GRIP1: variants seen among roughly 807,000 people sequenced by gnomAD.
GRIP1 encodes glutamate receptor interacting protein 1.
A neutral mutation model predicts 129.9 loss-of-function variants in GRIP1; 45 were observed. The ratio of observed to expected loss-of-function variants is 0.35; its 90% CI spans 0.27 to 0.44. The LOEUF (loss-of-function observed/expected upper bound fraction) is 0.44. GRIP1 is among the 20% of genes least tolerant of loss of function. GRIP1 has a pLI of 1.00. For missense variants in GRIP1, 1,196 were observed against 1,396.8 expected (o/e 0.86, Z 2.29); for synonymous variants, 530 against 520.8 (o/e 1.02, Z -0.24).
At chr12:66,889,225 C>T (rs958614490) in intron 1 of GRIP1, among the ~76,000 whole-genome samples, 3 of 152,118 alleles carry the variant, frequency 2.0e-5, no homozygotes, top group Non-Finnish European at 2.9e-5. Context: ...CTTGGGAGGC[C>T]GAGGCAGGTG....
chr12:66,848,029 A>G (rs1250975786), intron 1 of GRIP1, among the ~76,000 whole-genome samples: 6 of 152,196 alleles, frequency 3.9e-5, no homozygotes, highest in Non-Finnish European at 7.3e-5. Flanking sequence ...ACTAGGGGAT[A>G]GGACCAGTCA....
chr12:66,828,510 T>A (rs531249596), intron 1 of GRIP1, among the ~76,000 whole-genome samples: 4 of 152,324 alleles, frequency 2.6e-5, no homozygotes, highest in African/African-American at 9.6e-5. Flanking sequence ...ATAACTGTTA[T>A]CTCATTTTAG....
At chr12:66,665,377 T>C (rs1204908068) in intron 1 of GRIP1, among the ~76,000 whole-genome samples, 7 of 152,102 alleles carry the variant, frequency 4.6e-5, no homozygotes, top group Admixed American at 1.3e-4. Context: ...AACAACTAGG[T>C]GAGTTTTCAG....
chr12:66,769,114 T>C (rs768344534), intron 1 of GRIP1, among the ~76,000 whole-genome samples: 16 of 152,184 alleles, frequency 1.1e-4, no homozygotes, highest in Admixed American at 7.9e-4. Flanking sequence ...TAGGTTTGGA[T>C]TGGTGTTTCT....
At chr12:66,396,718 G>A (rs889346186) in intron 16 of GRIP1, among the ~76,000 whole-genome samples, 2 of 152,154 alleles carry the variant, frequency 1.3e-5, no homozygotes, top group Non-Finnish European at 2.9e-5. Context: ...ATTACATTGG[G>A]GTGGAAACAG....
chr12:66,765,914 A>T (rs1009540603), intron 1 of GRIP1, among the ~76,000 whole-genome samples: 1 of 152,186 alleles, frequency 6.6e-6, no homozygotes, highest in Admixed American at 6.5e-5. Flanking sequence ...ATGACTGCAG[A>T]CATAGGATGT....
intron 23 of GRIP1, among the ~76,000 whole-genome samples, chr12:66,355,999 T>C (rs900514214): frequency 9.2e-5 from 14 of 152,190 alleles, no homozygotes; most frequent in Non-Finnish European, 4.4e-5. Context: ...TCAGGAAGGC[T>C]GTCCCATGAC....
At chr12:66,384,390 T>A (rs754533067) in intron 19 of GRIP1, among the ~76,000 whole-genome samples, 2 of 152,234 alleles carry the variant, frequency 1.3e-5, no homozygotes, top group African/African-American at 4.8e-5. Context: ...AAATACCTAG[T>A]GTTATCAAGA....
chr12:66,967,645 G>A (rs2042016459), intron 1 of GRIP1, among the ~76,000 whole-genome samples: 1 of 152,136 alleles, frequency 6.6e-6, no homozygotes, highest in African/African-American at 2.4e-5. Context: ...CCAAGTAGCT[G>A]AGACTACAGG....
chr12:66,353,328 C>G (rs1408625765), intron 24 of GRIP1, 89 bp downstream of exon 24: 1 of 915,938 alleles, frequency 1.1e-6, no homozygotes, highest in African/African-American at 1.6e-5. Flanking sequence ...GGGAAAAGAG[C>G]AAAGGGCCCC....
chr12:67,003,729 A>AAAATAAATAAAT (rs1424005951), intron 1 of GRIP1, among the ~76,000 whole-genome samples: 27 of 151,890 alleles, frequency 1.8e-4, no homozygotes, highest in Non-Finnish European at 3.4e-4. Flanking sequence ...AATAAATAAA[A>AAAATAAATAAAT]AAATAAATAA....
chr12:66,580,990 T>C (rs1341142244), intron 2 of GRIP1, among the ~76,000 whole-genome samples: 2 of 152,256 alleles, frequency 1.3e-5, no homozygotes, highest in African/African-American at 4.8e-5. Flanking sequence ...TATTCCAAAA[T>C]TGACCACATA....
chr12:66,723,310 T>TTTC (rs1565988189), intron 1 of GRIP1, among the ~76,000 whole-genome samples: 873 of 41,562 alleles, frequency 0.021, 23 homozygotes, highest in Non-Finnish European at 0.024. Context: ...CTTTCTTTTT[T>TTTC]TTTTTTTTTT....
intron 1 of GRIP1, among the ~76,000 whole-genome samples, chr12:66,894,173 C>T (rs114069089): frequency 0.017 from 2,572 of 152,212 alleles, 24 homozygotes; most frequent in Middle Eastern, 0.054. Context: ...AGAAAGGACA[C>T]ATTTAAAAGT....
At chr12:66,727,005 C>T (rs1192635815) in intron 1 of GRIP1, among the ~76,000 whole-genome samples, 1 of 152,126 alleles carries the variant, frequency 6.6e-6, no homozygotes, top group African/African-American at 2.4e-5. Flanking sequence ...GTACAAAATA[C>T]AAAATCTCTC....
chr12:66,551,303 G>A (rs541316469), intron 2 of GRIP1, among the ~76,000 whole-genome samples: 6 of 152,290 alleles, frequency 3.9e-5, no homozygotes, highest in Admixed American at 2.6e-4. Context: ...ATGAAATGTC[G>A]TCAGTCCATA....
intron 13 of GRIP1, among the ~76,000 whole-genome samples, chr12:66,434,320 G>A (rs2058237487): frequency 6.6e-6 from 1 of 152,156 alleles, no homozygotes; most frequent in Admixed American, 6.5e-5. Context: ...AGGGGAGTGA[G>A]GCAATCAGCT....
intron 1 of GRIP1, among the ~76,000 whole-genome samples, chr12:66,984,917 C>T (rs545650994): frequency 6.6e-6 from 1 of 152,170 alleles, no homozygotes; most frequent in Non-Finnish European, 1.5e-5. Flanking sequence ...CATGAATCTG[C>T]AATCCAGGCA....
chr12:66,449,025 A>G (rs2138155970), intron 11 of GRIP1, among the ~76,000 whole-genome samples: 1 of 152,198 alleles, frequency 6.6e-6, no homozygotes, highest in Non-Finnish European at 1.5e-5. Flanking sequence ...TTGTGTCTTC[A>G]TATATACTGT....
Sources: gnomAD v4.1 joint callset for allele counts (sites outside exome capture counted in the v4.1 genomes callset) on GRCh38, gnomAD v4.1.1 for gene constraint, MANE v1.5 for transcripts, NCBI Gene and HGNC (gene_info 2026-07-23, HGNC 2026-07-21) for gene names.